DOK6: variants seen among roughly 807,000 people sequenced by gnomAD.
The protein encoded by DOK6 is downstream of tyrosine kinase 6.
A neutral mutation model predicts 44.0 loss-of-function variants in DOK6; 22 were observed. The observed-to-expected ratio is 0.50, with a 90% confidence interval of 0.36 to 0.71. The LOEUF is 0.71. Ranked by LOEUF, DOK6 falls within the 30% of genes least tolerant of loss-of-function variation. The pLI, the probability that DOK6 is intolerant of heterozygous loss-of-function variation, is 0.00. For synonymous variants in DOK6, 166 were observed against 145.5 expected (o/e 1.14, Z -1.01); for missense variants, 340 against 416.4 (o/e 0.82, Z 1.60).
At chr18:69,791,391 C>T (rs545197072) in intron 7 of DOK6, among the ~76,000 whole-genome samples, 2 of 152,236 alleles carry the variant, frequency 1.3e-5, no homozygotes, top group African/African-American at 4.8e-5. Context: ...GGATTCCCTT[C>T]TCTCCACATT....
At chr18:69,552,032 G>A (rs769224493) in intron 1 of DOK6, among the ~76,000 whole-genome samples, 3 of 152,170 alleles carry the variant, frequency 2.0e-5, no homozygotes, top group Non-Finnish European at 4.4e-5. Context: ...ACATTTTGCT[G>A]AGCAAATTAT....
intron 2 of DOK6, among the ~76,000 whole-genome samples, chr18:69,579,857 G>A (rs1046312055): frequency 2.0e-5 from 3 of 151,968 alleles, no homozygotes; most frequent in Non-Finnish European, 4.4e-5. Flanking sequence ...CTCGTGGAGC[G>A]GTCGATCCGC....
rs556700452 is a variant in DOK6, at chr18:69,473,593, T to C, written c.66+72283T>C. On this transcript the variant is annotated intron_variant, in intron 1 of 7. Transcript: ENST00000382713. ...TCTTGCACCCAGCACTGTCAGTCTATGCTCTGGGGACAACTAGACCCTCAC... is the reference window on the plus strand; with the variant it reads ...TCTTGCACCCAGCACTGTCAGTCTACGCTCTGGGGACAACTAGACCCTCAC... 3.3e-5 allele frequency among the ~76,000 whole-genome samples: 5 copies of C among 152,330 alleles called. No individual in the cohort carries two copies. In the South Asian group the frequency reaches 8.3e-4, roughly 25 times the overall value.
In DOK6 at chr18:69,752,257, T is replaced by TA. The variant is rs530787431; in HGVS notation, c.739-5493dup. Among the ~76,000 whole-genome samples the TA allele has an allele frequency of 2.4e-3, 365 of 152,284 alleles. 7 individuals are homozygous for TA. The highest frequency in any genetic ancestry group is 0.014 in the South Asian group (66 of 4,824). On this transcript the variant is annotated intron_variant, in intron 6 of 7. Coordinates refer to ENST00000382713, the MANE Select transcript of DOK6 (RefSeq NM_152721.6). ...AAGGACTTATAAAAATGTATTTTTTTAAAAAATCCTACAAGAATTTGATGG... is the reference window on the plus strand; with the variant it reads ...AAGGACTTATAAAAATGTATTTTTTTAAAAAAATCCTACAAGAATTTGATGG...
chr18:69,557,880 C>A (rs1310126511), intron 1 of DOK6, among the ~76,000 whole-genome samples: 1 of 152,080 alleles, frequency 6.6e-6, no homozygotes, highest in Non-Finnish European at 1.5e-5. Context: ...AGCCAATGGT[C>A]TCTGTACCTT....
chr18:69,442,666 T>C (rs890118260), intron 1 of DOK6, among the ~76,000 whole-genome samples: 1 of 152,206 alleles, frequency 6.6e-6, no homozygotes, highest in African/African-American at 2.4e-5. Flanking sequence ...TTTTCAACAA[T>C]AGACGTGGAA....
At chr18:69,569,735 C>A (rs113152456) in intron 2 of DOK6, among the ~76,000 whole-genome samples, 128 of 152,164 alleles carry the variant, frequency 8.4e-4, no homozygotes, top group Middle Eastern at 3.4e-3. Flanking sequence ...CCTAATATAA[C>A]TCATTCTACC....
intron 3 of DOK6, chr18:69,662,856 A>T (rs1389840252): frequency 6.6e-6 from 1 of 152,248 alleles, no homozygotes; most frequent in African/African-American, 2.4e-5. Context: ...AGAAATAGTT[A>T]TAGGGACAAA....
Position 69,611,848 on chromosome 18 carries a change from G to A in DOK6, c.289+12350G>A, listed in dbSNP as rs569489862. ...CTGGAACCTTGGGGACAGGAGGGCT[G>A]TATGGTCACTAAAAAGTAACAGAGC... On this transcript the variant is annotated intron_variant, in intron 3 of 7. Transcript: ENST00000382713. 5.3e-5 allele frequency among the ~76,000 whole-genome samples: 8 copies of A among 152,260 alleles called. No homozygotes were observed. The South Asian group carries it at 1.4e-3, about 28-fold the overall frequency.
At chr18:69,687,770 G>A (rs1986184513) in intron 4 of DOK6, among the ~76,000 whole-genome samples, 1 of 152,144 alleles carries the variant, frequency 6.6e-6, no homozygotes, top group African/African-American at 2.4e-5. Flanking sequence ...TCATTCTTGA[G>A]AGTAAAGTAC....
chr18:69,527,959 C>G (rs186590580), intron 1 of DOK6, among the ~76,000 whole-genome samples: 14 of 151,966 alleles, frequency 9.2e-5, no homozygotes, highest in African/African-American at 2.9e-4. Context: ...GTCAGGAGAT[C>G]GATACCATCT....
chr18:69,814,004 G>A (rs1320872664), intron 7 of DOK6, among the ~76,000 whole-genome samples: 1 of 152,012 alleles, frequency 6.6e-6, no homozygotes, highest in Non-Finnish European at 1.5e-5. Flanking sequence ...CATGTGACCT[G>A]CCACCAAGAG....
chr18:69,409,355 C>T (rs973103503), intron 1 of DOK6, among the ~76,000 whole-genome samples: 5 of 152,148 alleles, frequency 3.3e-5, no homozygotes, highest in East Asian at 1.9e-4. Context: ...TTTTTCCTAA[C>T]GATTTTTCCA....
intron 2 of DOK6, among the ~76,000 whole-genome samples, chr18:69,585,389 T>A (rs1387128646): frequency 6.6e-6 from 1 of 152,222 alleles, no homozygotes; most frequent in Non-Finnish European, 1.5e-5. Flanking sequence ...AAGACTTTTT[T>A]ATCACCATCT....
chr18:69,601,021 A>G (rs1396941369), intron 3 of DOK6, among the ~76,000 whole-genome samples: 1 of 152,168 alleles, frequency 6.6e-6, no homozygotes, highest in African/African-American at 2.4e-5. Flanking sequence ...ATTATAATCT[A>G]CTCTCCATTT....
chr18:69,792,450 A>C (rs942663678), intron 7 of DOK6, among the ~76,000 whole-genome samples: 2 of 151,558 alleles, frequency 1.3e-5, no homozygotes, highest in African/African-American at 2.4e-5. Flanking sequence ...TTTTGTAGAG[A>C]TCTTATCACT....
intron 1 of DOK6, among the ~76,000 whole-genome samples, chr18:69,403,034 T>A (rs1916133005): frequency 6.6e-6 from 1 of 152,160 alleles, no homozygotes; most frequent in African/African-American, 2.4e-5. Context: ...TGAAGCCCTT[T>A]GCTTTACGAC....
At chr18:69,603,719 C>T (rs1437868853) in intron 3 of DOK6, among the ~76,000 whole-genome samples, 9 of 142,868 alleles carry the variant, frequency 6.3e-5, no homozygotes, top group Non-Finnish European at 1.0e-4. Context: ...TGCAGTGAGC[C>T]GAGATCGCGC....
intron 1 of DOK6, among the ~76,000 whole-genome samples, chr18:69,515,293 A>G (rs564628595): frequency 1.3e-5 from 2 of 152,334 alleles, no homozygotes; most frequent in South Asian, 4.1e-4. Context: ...TGTGGGAGAT[A>G]ACCTTTCTAA....
Sources: allele counts gnomAD v4.1 joint callset (sites outside exome capture counted in the v4.1 genomes callset), GRCh38; gene constraint gnomAD v4.1.1; transcripts MANE v1.5; gene names NCBI Gene and HGNC (gene_info 2026-07-23, HGNC 2026-07-21).